DMD: variants seen among roughly 807,000 people sequenced by gnomAD.
The protein encoded by DMD is dystrophin.
In DMD, 63 loss-of-function variants were observed where a neutral mutation model predicts 330.1. The ratio of observed to expected loss-of-function variants is 0.19; its 90% CI spans 0.16 to 0.24. The LOEUF (loss-of-function observed/expected upper bound fraction) is 0.24, where lower values mean the gene tolerates loss of function less well. Ranked by LOEUF, DMD falls within the 10% of genes least tolerant of loss-of-function variation. The pLI, the probability that DMD is intolerant of heterozygous loss-of-function variation, is 1.00. For missense variants in DMD, 3,344 were observed against 2,684.1 expected, an observed-to-expected ratio of 1.25 and a Z score of -5.43; for synonymous variants, 1,223 against 959.8, an observed-to-expected ratio of 1.27 and a Z score of -5.07.
chrX:32,364,492 A>T, intron 36 of DMD, 90 bp downstream of exon 36: 1 of 1,044,042 alleles, frequency 9.6e-7, no homozygotes, highest in Admixed American at 2.2e-5. Flanking sequence ...TTTTACTCTT[A>T]TTAAGACGTC....
intron 51 of DMD, among the ~76,000 whole-genome samples, chrX:31,744,562 C>T (rs2087660961): frequency 8.9e-6 from 1 of 112,275 alleles, no homozygotes; most frequent in Admixed American, 9.4e-5. Flanking sequence ...CTTATCAAGA[C>T]GAATTCTCTT....
chrX:32,011,867 T>C (rs184188507), intron 44 of DMD, among the ~76,000 whole-genome samples: 22 of 112,151 alleles, frequency 2.0e-4, no homozygotes, highest in African/African-American at 6.8e-4. Flanking sequence ...CCCTTGGTAC[T>C]ATTTGGAGGA....
chrX:31,748,073 C>T (rs1034961797), intron 51 of DMD, among the ~76,000 whole-genome samples: 3 of 111,531 alleles, frequency 2.7e-5, no homozygotes, highest in Non-Finnish European at 5.6e-5. Context: ...TTGGGTGGTT[C>T]CAATATCCAG....
At chrX:32,586,141 CAT>C (rs1308123897) in intron 13 of DMD, among the ~76,000 whole-genome samples, 2 of 111,110 alleles carry the variant, frequency 1.8e-5, no homozygotes, top group Non-Finnish European at 3.8e-5. Flanking sequence ...ATAACTGAAT[CAT>C]GTGCCATTTT....
chrX:32,674,969 T>C (rs1287832921), intron 9 of DMD, among the ~76,000 whole-genome samples: 2 of 111,699 alleles, frequency 1.8e-5, no homozygotes, highest in African/African-American at 6.5e-5. Context: ...TTAATGTTCT[T>C]CATCAACTTA....
At chrX:32,787,853 GA>G (rs2075523762) in intron 7 of DMD, among the ~76,000 whole-genome samples, 1 of 110,735 alleles carries the variant, frequency 9.0e-6, no homozygotes, top group African/African-American at 3.3e-5. Context: ...TAACTGGAAA[GA>G]TCAGTTTTCC....
chrX:32,337,674 CTT>C (rs1044444102), intron 41 of DMD, among the ~76,000 whole-genome samples: 43 of 109,980 alleles, frequency 3.9e-4, no homozygotes, highest in African/African-American at 1.4e-3. Flanking sequence ...TCGAATAAGT[CTT>C]GTTTTTATCT....
chrX:31,619,657 G>T (rs1339911727), intron 55 of DMD, among the ~76,000 whole-genome samples: 1 of 111,819 alleles, frequency 8.9e-6, no homozygotes, highest in East Asian at 2.8e-4. Context: ...ACCAATGTGG[G>T]CTTTTCTTTT....
chrX:31,654,983 A>G (rs1375396856), intron 54 of DMD, among the ~76,000 whole-genome samples: 1 of 112,156 alleles, frequency 8.9e-6, no homozygotes, highest in Non-Finnish European at 1.9e-5. Context: ...AAGTAAATGC[A>G]TTACAACAAG....
Position 32,243,291 on chromosome X carries a change from G to A in DMD, c.6291-26228C>T, listed in dbSNP as rs1420574757. On this transcript the variant is annotated intron_variant, in intron 43 of 78. Transcript: ENST00000357033. ...TTAGCTTGGGTACATACCAATTAAA[G>A]ACAGCTGGTCTAGAAGCTGGTTTCA... Among the ~76,000 whole-genome samples, 2 of 111,320 alleles carry A rather than the reference G, an allele frequency of 1.8e-5. 1 individual carries two copies. Among genetic ancestry groups the A allele is most frequent in the Admixed American group, 1.9e-4 (2 of 10,422 alleles).
At chrX:32,197,000 A>AAAAAAAC (rs1557206020) in intron 44 of DMD, among the ~76,000 whole-genome samples, 106 of 93,882 alleles carry the variant, frequency 1.1e-3, no homozygotes, top group African/African-American at 3.7e-3. Flanking sequence ...AAAAAAAAAA[A>AAAAAAAC]AAAAACAAAA....
intron 44 of DMD, among the ~76,000 whole-genome samples, chrX:32,114,985 G>A (rs2096604268): frequency 8.9e-6 from 1 of 111,767 alleles, no homozygotes; most frequent in Non-Finnish European, 1.9e-5. Context: ...ATTCTTTTGT[G>A]TTTGTCTAAT....
chrX:32,776,711 G>A (rs2074187324), intron 7 of DMD, among the ~76,000 whole-genome samples: 1 of 111,829 alleles, frequency 8.9e-6, no homozygotes, highest in Non-Finnish European at 1.9e-5. Flanking sequence ...AATTTGAGAT[G>A]AGACTTGGGT....
Position 33,045,875 on chromosome X carries a change from G to C in DMD, c.32-25675C>G, listed in dbSNP as rs140508897. Among the ~76,000 whole-genome samples, 238 of 111,567 alleles carry C rather than the reference G, an allele frequency of 2.1e-3. 1 individual carries two copies. The highest frequency in any genetic ancestry group is 7.3e-3 in the African/African-American group (224 of 30,732). On this transcript the variant is annotated intron_variant, in intron 1 of 78. Transcript: ENST00000357033. ...AAGCAGCTAACATGTGTCGGTGCTT[G>C]AGAAGGTCATGGAAGTTAGGAGGAG... is the stretch of plus-strand genomic sequence containing the variant.
chrX:31,643,363 T>C (rs778084973), intron 54 of DMD, among the ~76,000 whole-genome samples: 2 of 111,771 alleles, frequency 1.8e-5, no homozygotes, highest in East Asian at 5.6e-4. Context: ...AAATTTAGTG[T>C]TTGTGATAGG....
At chrX:32,851,915 T>A (rs1471593777) in intron 2 of DMD, among the ~76,000 whole-genome samples, 6 of 111,727 alleles carry the variant, frequency 5.4e-5, no homozygotes, top group Non-Finnish European at 9.4e-5. Context: ...GAGTTCCAGC[T>A]AGTCTCACCA....
At chrX:32,519,824 T>G (rs1174957453) in intron 17 of DMD, among the ~76,000 whole-genome samples, 1 of 112,216 alleles carries the variant, frequency 8.9e-6, no homozygotes, top group Non-Finnish European at 1.9e-5. Context: ...GTTTAAAAAT[T>G]AAACAGATAC....
Position 32,462,725 on chromosome X carries a change from G to T in DMD, c.3432+714C>A, listed in dbSNP as rs765588757. On this transcript the variant is annotated intron_variant, in intron 25 of 78. Coordinates refer to ENST00000357033, the MANE Select transcript of DMD (RefSeq NM_004006.3). ...AATTCCAGCATTTTGGGAGGCCAAG[G>T]AAAGAGCATTGTTTGAGCCCAGGAA... 4.5e-5 allele frequency among the ~76,000 whole-genome samples: 5 copies of T among 110,965 alleles called. No individual in the cohort carries two copies. The East Asian group carries it at 1.1e-3, about 25-fold the overall frequency.
At chrX:32,100,389 A>ATG (rs1569542657) in intron 44 of DMD, among the ~76,000 whole-genome samples, 1 of 103,280 alleles carries the variant, frequency 9.7e-6, no homozygotes, top group Non-Finnish European at 1.9e-5. Context: ...ATATATATAT[A>ATG]TGTATATATA....
Sources: gnomAD v4.1 joint callset for allele counts (sites outside exome capture counted in the v4.1 genomes callset) on GRCh38, gnomAD v4.1.1 for gene constraint, MANE v1.5 for transcripts, NCBI Gene and HGNC (gene_info 2026-07-23, HGNC 2026-07-21) for gene names.